SULT6B1: variants seen among roughly 807,000 people sequenced by gnomAD.
SULT6B1 encodes the protein sulfotransferase 6B1.
In SULT6B1, 44 loss-of-function variants were observed where a neutral mutation model predicts 37.2. The observed-to-expected ratio is 1.18, with a 90% CI of 0.93 to 1.52. The LOEUF (loss-of-function observed/expected upper bound fraction) is 1.52, where lower values mean the gene tolerates loss of function less well. Among genes scored for constraint, SULT6B1 ranks in the 40% most tolerant of loss-of-function variants. The probability of loss-of-function intolerance (pLI) is 0.00; values close to 1 mark genes in which losing one functional copy is unlikely to be tolerated. For missense variants in SULT6B1, 450 were observed against 361.0 expected, an observed-to-expected ratio of 1.25 and a Z score of -2.00; for synonymous variants, 140 against 126.0, an observed-to-expected ratio of 1.11 and a Z score of -0.74.
upstream of SULT6B1, among the ~76,000 whole-genome samples, chr2:37,190,203 T>G (rs964193374): frequency 6.6e-6 from 1 of 152,272 alleles, no homozygotes; most frequent in Non-Finnish European, 1.5e-5. Context: ...TTTGGCCTCT[T>G]GATAAGTCAA....
At position 37,179,492 on chromosome 2, in the gene SULT6B1, C is replaced by G. The variant is rs749770855; in HGVS notation, c.495G>C (p.Trp165Cys). Residue 165 changes from tryptophan to cysteine, a missense_variant, in exon 4 of 7, where the codon TGG (tryptophan) becomes TGC (cysteine). Physicochemically the swap from Trp to Cys is radical, Grantham distance 215. Transcript: ENST00000535679. Reference sequence around the variant, plus strand: ...TCATGAACTGTCTGAAGAATTCATCCCAAGAGCCATAGCTTGGAATATCGG... The same window carrying G: ...TCATGAACTGTCTGAAGAATTCATCGCAAGAGCCATAGCTTGGAATATCGG... ...DVPDIPSYGS[W>C]DEFFRQFMKG... 5 of 1,613,996 alleles carry G rather than the reference C, an allele frequency of 3.1e-6. No homozygotes were observed. In the South Asian group the frequency reaches 5.5e-5, roughly 18 times the overall value.
At chr2:37,192,396 G>T (rs542047726), upstream of SULT6B1, among the ~76,000 whole-genome samples, 1 of 152,282 alleles carries the variant, frequency 6.6e-6, no homozygotes, top group South Asian at 2.1e-4. Flanking sequence ...CTAGGCACAG[G>T]TATCCGGGTT....
At chr2:37,174,115 C>T (rs989299513) in intron 5 of SULT6B1, among the ~76,000 whole-genome samples, 8 of 152,098 alleles carry the variant, frequency 5.3e-5, no homozygotes, top group Non-Finnish European at 1.0e-4. Flanking sequence ...CAGTTGATTC[C>T]CTCTGCCAGA....
chr2:37,177,662 C>A (rs556167375), intron 4 of SULT6B1, among the ~76,000 whole-genome samples: 4 of 152,168 alleles, frequency 2.6e-5, no homozygotes, highest in African/African-American at 9.6e-5. Flanking sequence ...TTAATGATGA[C>A]AGTTAATGAT....
chr2:37,176,640 G>T (rs1164445260), intron 4 of SULT6B1, among the ~76,000 whole-genome samples: 1 of 152,032 alleles, frequency 6.6e-6, no homozygotes, highest in Non-Finnish European at 1.5e-5. Flanking sequence ...TTTGAGCCAG[G>T]CAGTTTCTAT....
intron 5 of SULT6B1, among the ~76,000 whole-genome samples, chr2:37,172,368 C>T (rs1446213459): frequency 1.3e-5 from 2 of 152,176 alleles, no homozygotes; most frequent in Non-Finnish European, 1.5e-5. Context: ...CCTCCCAAAC[C>T]TCAAGAAATA....
Position 37,188,570 on chromosome 2 carries a change from G to A in SULT6B1, c.71C>T (p.Ser24Phe), listed in dbSNP as rs759603189. Residue 24 changes from serine to phenylalanine, a missense_variant, in exon 1 of 7, where the codon TCT becomes TTT. Ser to Phe is a radical substitution (Grantham distance 155). Coordinates refer to ENST00000535679, the MANE Select transcript of SULT6B1 (RefSeq NM_001367551.1). ...CCCCTGATAGGTGAAAAATAAATGA[G>A]AGAGTGCAGTTTCTTTTGATTTTTC... The part of the protein sequence containing the change: ...ALEKSKETAL[S>F]HLFFTYQGIP... 6.3e-6 allele frequency: 10 copies of A among 1,589,456 alleles called. No individual in the cohort carries two copies. Among genetic ancestry groups the A allele is most frequent in the Non-Finnish European group, 7.8e-6 (9 of 1,157,640 alleles).
intron 5 of SULT6B1, among the ~76,000 whole-genome samples, chr2:37,172,573 T>C (rs898349948): frequency 2.0e-5 from 3 of 152,114 alleles, no homozygotes; most frequent in Non-Finnish European, 4.4e-5. Flanking sequence ...AGTGGCATGA[T>C]CTCGGCTCAC....
chr2:37,185,582 A>T (rs1676654129), intron 2 of SULT6B1, among the ~76,000 whole-genome samples: 1 of 151,750 alleles, frequency 6.6e-6, no homozygotes, highest in Non-Finnish European at 1.5e-5. Context: ...GCTAGGCATG[A>T]TGGCGCACAC....
intron 5 of SULT6B1, 91 bp downstream of exon 5, chr2:37,175,041 A>C: frequency 1.5e-6 from 1 of 687,638 alleles, no homozygotes; most frequent in African/African-American, 1.8e-5. Flanking sequence ...ATTGAACACC[A>C]TATTTGTTTA....
At chr2:37,194,211 T>A (rs1286736998) in intron 1 of SULT6B1, among the ~76,000 whole-genome samples, 1 of 152,016 alleles carries the variant, frequency 6.6e-6, no homozygotes. Flanking sequence ...CCTTTTTCTG[T>A]CACCTAGGGT....
At position 37,194,911 on chromosome 2, in the gene SULT6B1, T is replaced by C. The variant is rs141837447; in HGVS notation, c.-22+1605A>G. ...TTCCTTCCTTCTTTCCTTCCTTCCT[T>C]CCTTCCTTCCTTCCTTCCTTCCTTC... On this transcript the variant is annotated intron_variant, in intron 1 of 7. Transcript: ENST00000407963. Among the ~76,000 whole-genome samples, 178 of 27,822 alleles carry C rather than the reference T, an allele frequency of 6.4e-3. 3 individuals carry two copies. Among genetic ancestry groups the C allele is most frequent in the South Asian group, 0.038 (22 of 580 alleles). 18.3% of individuals were successfully genotyped at this position (27,822 alleles called of 152,430 possible).
chr2:37,188,482 G>C lies in SULT6B1; in HGVS notation c.159C>G (p.Ala53=), dbSNP rs755923434. ...ETFQALDTFE[A]RHDDIVLASY... ...ATGCTAGCACGATGTCATCATGTCT[G>C]GCTTCGAAGGTGTCCAGCGCTTGGA... Residue 53 remains alanine (A), a synonymous_variant, in exon 1 of 7, where the codon GCC becomes GCG. Transcript: ENST00000535679. 5 of 1,614,146 alleles carry C rather than the reference G, an allele frequency of 3.1e-6. No individual in the cohort carries two copies. The Admixed American group carries it at 6.7e-5, about 22-fold the overall frequency.
At chr2:37,191,976 C>T (rs898983247), upstream of SULT6B1, among the ~76,000 whole-genome samples, 39 of 152,150 alleles carry the variant, frequency 2.6e-4, no homozygotes, top group Admixed American at 3.3e-4. Context: ...GGAAGCAGGT[C>T]GTGGCATGGC....
intron 1 of SULT6B1, 58 bp downstream of exon 1, chr2:37,188,384 C>A (rs1430042888): frequency 2.2e-5 from 32 of 1,461,176 alleles, no homozygotes; most frequent in Non-Finnish European, 2.8e-5. Flanking sequence ...TTGTCTCATA[C>A]CCTCCCCAAC....
At chr2:37,172,088 C>G (rs1676316223) in intron 5 of SULT6B1, among the ~76,000 whole-genome samples, 3 of 151,358 alleles carry the variant, frequency 2.0e-5, no homozygotes, top group Admixed American at 2.0e-4. Flanking sequence ...TTCTCTGCTG[C>G]CCAGACTAGA....
chr2:37,175,274 T>C, intron 4 of SULT6B1, 48 bp from the exon 5 acceptor site: 4 of 1,060,118 alleles, frequency 3.8e-6, no homozygotes, highest in Non-Finnish European at 5.5e-6. Flanking sequence ...ATAACTGAGG[T>C]TAAAATGATC....
At chr2:37,193,909 C>G (rs555409029) in intron 1 of SULT6B1, among the ~76,000 whole-genome samples, 1 of 152,174 alleles carries the variant, frequency 6.6e-6, no homozygotes, top group Non-Finnish European at 1.5e-5. Context: ...GCTAAAGGAC[C>G]CTTGGTAAAA....
At chr2:37,193,812 C>T (rs1676837022) in intron 1 of SULT6B1, among the ~76,000 whole-genome samples, 1 of 152,182 alleles carries the variant, frequency 6.6e-6, no homozygotes, top group Non-Finnish European at 1.5e-5. Flanking sequence ...TGCTTCTGTG[C>T]TTTGGAGAGA....
Sources: gnomAD v4.1 joint callset for allele counts (sites outside exome capture counted in the v4.1 genomes callset) on GRCh38, gnomAD v4.1.1 for gene constraint, MANE v1.5 for transcripts, NCBI Gene and HGNC (gene_info 2026-07-23, HGNC 2026-07-21) for gene names.